The following APBB2 variants were observed in gnomAD, a reference collection of about 807,000 sequenced individuals.
The protein encoded by APBB2 is amyloid beta precursor protein binding family B member 2, also known as Fe65-like 1.
In APBB2, 38 loss-of-function variants were observed where a neutral mutation model predicts 82.5. The ratio of observed to expected loss-of-function variants is 0.46; its 90% CI spans 0.36 to 0.60. APBB2 has a LOEUF of 0.60. Among genes scored for constraint, APBB2 ranks in the 20% least tolerant of loss-of-function variants. The pLI is 0.00. For synonymous variants in APBB2, 341 were observed against 368.2 expected, an observed-to-expected ratio of 0.93 and a Z score of 0.85; for missense variants, 772 against 972.3, an observed-to-expected ratio of 0.79 and a Z score of 2.74.
At chr4:41,051,606 A>G (rs1365701589) in intron 4 of APBB2, among the ~76,000 whole-genome samples, 2 of 152,160 alleles carry the variant, frequency 1.3e-5, no homozygotes, top group Non-Finnish European at 2.9e-5. Context: ...GAAGCTAGTA[A>G]CATGTGAATT....
intron 2 of APBB2, among the ~76,000 whole-genome samples, chr4:41,134,379 A>C (rs1560840513): frequency 6.6e-6 from 1 of 152,108 alleles, no homozygotes; most frequent in Non-Finnish European, 1.5e-5. Context: ...GGAGATGGAG[A>C]CCATCCTGGC....
chr4:41,065,325 C>T (rs1463242470), intron 4 of APBB2, among the ~76,000 whole-genome samples: 1 of 152,032 alleles, frequency 6.6e-6, no homozygotes, highest in Non-Finnish European at 1.5e-5. Context: ...AATGGATGCA[C>T]AGAAACAGAA....
intron 6 of APBB2, among the ~76,000 whole-genome samples, chr4:40,984,066 G>T (rs1317446296): frequency 2.0e-5 from 3 of 152,180 alleles, no homozygotes; most frequent in Non-Finnish European, 4.4e-5. Flanking sequence ...ACTTGGTTTT[G>T]ATCTTTAGAA....
chr4:41,029,797 G>A (rs1187480705), intron 5 of APBB2, among the ~76,000 whole-genome samples: 2 of 152,300 alleles, frequency 1.3e-5, no homozygotes, highest in African/African-American at 4.8e-5. Flanking sequence ...GGCTGAAGTT[G>A]GCAGAGGGTC....
At chr4:41,088,947 C>T (rs1740794277) in intron 3 of APBB2, among the ~76,000 whole-genome samples, 1 of 152,152 alleles carries the variant, frequency 6.6e-6, no homozygotes. Flanking sequence ...GATGTCCAGA[C>T]TCACCTCACC....
chr4:41,096,108 CATACT>C (rs1743374938), intron 3 of APBB2, among the ~76,000 whole-genome samples: 1 of 152,212 alleles, frequency 6.6e-6, no homozygotes, highest in Admixed American at 6.5e-5. Context: ...GCCCTCAAGT[CATACT>C]TCAGTTCCAG....
intron 6 of APBB2, among the ~76,000 whole-genome samples, chr4:40,997,767 C>T (rs1804040734): frequency 6.6e-6 from 1 of 152,178 alleles, no homozygotes; most frequent in African/African-American, 2.4e-5. Context: ...GTAGCATAAG[C>T]TATATTAGTG....
At chr4:41,034,447 C>T (rs1718339121) in intron 4 of APBB2, among the ~76,000 whole-genome samples, 1 of 152,168 alleles carries the variant, frequency 6.6e-6, no homozygotes, top group Non-Finnish European at 1.5e-5. Flanking sequence ...GCCTCAGCCT[C>T]CCGAGTAGTT....
chr4:41,135,863 G>T (rs1012120676), intron 2 of APBB2, among the ~76,000 whole-genome samples: 1 of 152,150 alleles, frequency 6.6e-6, no homozygotes, highest in South Asian at 2.1e-4. Context: ...CAGGATCTGG[G>T]TCTTGCTATG....
intron 6 of APBB2, among the ~76,000 whole-genome samples, chr4:41,005,353 G>T (rs567735580): frequency 6.6e-6 from 1 of 152,068 alleles, no homozygotes; most frequent in African/African-American, 2.4e-5. Flanking sequence ...CTCCCAAAGT[G>T]CTGGCATTAC....
At chr4:41,057,657 G>C (rs1273696653) in intron 4 of APBB2, among the ~76,000 whole-genome samples, 4 of 152,178 alleles carry the variant, frequency 2.6e-5, no homozygotes, top group African/African-American at 9.7e-5. Flanking sequence ...TTGTGCAAAG[G>C]AAGGTCAGCA....
intron 10 of APBB2, among the ~76,000 whole-genome samples, chr4:40,917,262 A>G (rs971529754): frequency 4.6e-5 from 7 of 152,162 alleles, no homozygotes; most frequent in African/African-American, 1.7e-4. Context: ...CTCCCCAGCT[A>G]GCCCCAGAAC....
chr4:40,953,180 C>G (rs948041128), intron 6 of APBB2, among the ~76,000 whole-genome samples: 1 of 151,626 alleles, frequency 6.6e-6, no homozygotes, highest in Non-Finnish European at 1.5e-5. Context: ...CACCTGTAAT[C>G]CCAGCTACTT....
At chr4:40,818,496 T>C (rs1746604836) in intron 17 of APBB2, among the ~76,000 whole-genome samples, 1 of 152,210 alleles carries the variant, frequency 6.6e-6, no homozygotes, top group Non-Finnish European at 1.5e-5. Context: ...CTATGATCTG[T>C]TTCAATTTCA....
chr4:41,064,992 ATAGATACAT>A (rs1731212224), intron 4 of APBB2, among the ~76,000 whole-genome samples: 1 of 152,216 alleles, frequency 6.6e-6, no homozygotes, highest in African/African-American at 2.4e-5. Context: ...CTGTAGAAGA[ATAGATACAT>A]TAGACCAGGC....
chr4:41,086,763 G>A (rs1251412767), intron 3 of APBB2, among the ~76,000 whole-genome samples: 1 of 152,114 alleles, frequency 6.6e-6, no homozygotes, highest in Non-Finnish European at 1.5e-5. Flanking sequence ...AGGAAGAAAA[G>A]AATGTCCACT....
At chr4:40,906,577 C>T (rs1344454421) in intron 10 of APBB2, among the ~76,000 whole-genome samples, 1 of 151,210 alleles carries the variant, frequency 6.6e-6, no homozygotes, top group Non-Finnish European at 1.5e-5. Flanking sequence ...AGGGAGGAAA[C>T]TTCCATTTCC....
chr4:41,146,207 T>G (rs542062322), intron 1 of APBB2, among the ~76,000 whole-genome samples: 6 of 151,748 alleles, frequency 4.0e-5, no homozygotes, highest in African/African-American at 1.5e-4. Flanking sequence ...ACGCCTCTAA[T>G]TCCAGCTACT....
intron 6 of APBB2, 21 bp downstream of exon 6, chr4:41,013,562 C>A: frequency 6.2e-7 from 1 of 1,600,002 alleles, no homozygotes; most frequent in Non-Finnish European, 8.5e-7. Context: ...CCAGCTGAGG[C>A]TACGCCTTCC....
Sources: allele counts gnomAD v4.1 joint callset (sites outside exome capture counted in the v4.1 genomes callset), GRCh38; gene constraint gnomAD v4.1.1; transcripts MANE v1.5; gene names NCBI Gene and HGNC (gene_info 2026-07-23, HGNC 2026-07-21).